GRAMD2B: variants seen among roughly 807,000 people sequenced by gnomAD.
GRAMD2B encodes the protein GRAM domain containing 2B.
A neutral mutation model predicts 59.2 loss-of-function variants in GRAMD2B; 41 were observed. That is an observed-to-expected ratio of 0.69 (90% CI 0.54 to 0.90). The LOEUF (loss-of-function observed/expected upper bound fraction) is 0.90, where lower values mean the gene tolerates loss of function less well. Ranked by LOEUF, GRAMD2B falls within the 40% of genes least tolerant of loss-of-function variation. The pLI, the probability that GRAMD2B is intolerant of heterozygous loss-of-function variation, is 0.00. For missense variants in GRAMD2B, 424 were observed against 500.5 expected, an observed-to-expected ratio of 0.85 and a Z score of 1.46; for synonymous variants, 161 against 182.7, an observed-to-expected ratio of 0.88 and a Z score of 0.96.
chr5:126,366,498 T>G (rs1158109832), upstream of GRAMD2B, among the ~76,000 whole-genome samples: 3 of 152,252 alleles, frequency 2.0e-5, no homozygotes, highest in African/African-American at 7.2e-5. Flanking sequence ...ATCAGTAGTA[T>G]TTTCTGAATG....
chr5:126,376,817 G>A (rs1467472334), intron 1 of GRAMD2B, among the ~76,000 whole-genome samples: 2 of 152,114 alleles, frequency 1.3e-5, no homozygotes, highest in African/African-American at 4.8e-5. Flanking sequence ...TTCAGCAAAT[G>A]GGCAAGGTCA....
chr5:126,443,146 G>T (rs1157765334), intron 1 of GRAMD2B, among the ~76,000 whole-genome samples: 3 of 152,132 alleles, frequency 2.0e-5, no homozygotes, highest in Non-Finnish European at 4.4e-5. Context: ...GTCTTGGCTT[G>T]GTTGACACTC....
intron 1 of GRAMD2B, among the ~76,000 whole-genome samples, chr5:126,446,039 A>G (rs1464676086): frequency 6.6e-6 from 1 of 152,214 alleles, no homozygotes; most frequent in Non-Finnish European, 1.5e-5. Context: ...GATACCCAAC[A>G]GTGTGCCTAG....
At chr5:126,373,321 G>A (rs1754920921) in intron 1 of GRAMD2B, among the ~76,000 whole-genome samples, 2 of 152,166 alleles carry the variant, frequency 1.3e-5, no homozygotes, top group Non-Finnish European at 2.9e-5. Flanking sequence ...AATAAGACCA[G>A]GTAAACACTT....
chr5:126,387,784 C>T (rs1756306751), intron 1 of GRAMD2B, among the ~76,000 whole-genome samples: 1 of 152,030 alleles, frequency 6.6e-6, no homozygotes, highest in African/African-American at 2.4e-5. Context: ...TATATATACA[C>T]ATAAATTTAT....
At chr5:126,394,968 G>A (rs968699525) in intron 1 of GRAMD2B, among the ~76,000 whole-genome samples, 3 of 152,112 alleles carry the variant, frequency 2.0e-5, no homozygotes, top group African/African-American at 7.2e-5. Flanking sequence ...GGGCATTAAA[G>A]TTATAACTGT....
chr5:126,375,315 AT>A (rs1433784574), intron 1 of GRAMD2B, among the ~76,000 whole-genome samples: 1 of 152,080 alleles, frequency 6.6e-6, no homozygotes, highest in Non-Finnish European at 1.5e-5. Context: ...AGACAATAAT[AT>A]TGAAATAATA....
intron 1 of GRAMD2B, among the ~76,000 whole-genome samples, chr5:126,362,240 C>T (rs1393307856): frequency 6.6e-6 from 1 of 152,176 alleles, no homozygotes; most frequent in African/African-American, 2.4e-5. Flanking sequence ...TCAGTCACCT[C>T]TTCTGAATTT....
At chr5:126,368,309 C>T (rs1211029782), upstream of GRAMD2B, among the ~76,000 whole-genome samples, 1 of 152,200 alleles carries the variant, frequency 6.6e-6, no homozygotes, top group Non-Finnish European at 1.5e-5. Flanking sequence ...CATGTCTAAA[C>T]AGTCAAAGGG....
chr5:126,488,549 C>T (rs923428962), intron 12 of GRAMD2B, among the ~76,000 whole-genome samples: 13 of 152,084 alleles, frequency 8.5e-5, no homozygotes, highest in Non-Finnish European at 1.8e-4. Flanking sequence ...GTTTAGAAGC[C>T]GAAACACACC....
chr5:126,447,198 A>C (rs1180787065), intron 1 of GRAMD2B, among the ~76,000 whole-genome samples: 1 of 152,240 alleles, frequency 6.6e-6, no homozygotes, highest in Non-Finnish European at 1.5e-5. Flanking sequence ...TCAGTACTTT[A>C]GTCTACTGAA....
At chr5:126,482,253 C>G (rs897151882) in intron 8 of GRAMD2B, among the ~76,000 whole-genome samples, 1 of 152,110 alleles carries the variant, frequency 6.6e-6, no homozygotes, top group African/African-American at 2.4e-5. Context: ...AAGATTGTAG[C>G]CATGGCTGTA....
chr5:126,450,220 G>A (rs146971812), intron 1 of GRAMD2B, among the ~76,000 whole-genome samples: 113 of 152,206 alleles, frequency 7.4e-4, no homozygotes, highest in East Asian at 3.9e-4. Context: ...TCGTCTCCAC[G>A]GGGGTGGAGA....
rs10544199 is a variant in GRAMD2B at position 126,450,652 on chromosome 5, TAAAAAA to T, written c.84-14753_84-14748del. ...AGTGACAGTCCATCCAGCCTGCTGT[TAAAAAA>T]AAAAAAAAAAAAAAAAAAAATGTTG... On this transcript the variant is annotated intron_variant, in intron 1 of 13. Transcript: ENST00000285689. Among the ~76,000 whole-genome samples the T allele has an allele frequency of 7.1e-3, 685 of 96,048 alleles. 6 individuals are homozygous for T. Among genetic ancestry groups the T allele is most frequent in the African/African-American group, 0.026 (639 of 24,538 alleles). 63.0% of individuals were successfully genotyped at this position (96,048 alleles called of 152,430 possible). A position where few individuals can be genotyped will look rare whatever the true frequency, so the allele number is the denominator to read the frequency against.
intron 1 of GRAMD2B, among the ~76,000 whole-genome samples, chr5:126,402,248 C>T (rs953757565): frequency 6.6e-6 from 1 of 152,036 alleles, no homozygotes; most frequent in Non-Finnish European, 1.5e-5. Context: ...GTCACCCACC[C>T]TAAGTGGAAA....
chr5:126,366,846 C>CTTTTTTTTTTTTTTT (rs59718576), upstream of GRAMD2B, among the ~76,000 whole-genome samples: 3 of 107,682 alleles, frequency 2.8e-5, no homozygotes, highest in African/African-American at 3.6e-5. Flanking sequence ...CAGACCAAGG[C>CTTTTTTTTTTTTTTT]TTTTTTTTTT....
intron 1 of GRAMD2B, among the ~76,000 whole-genome samples, chr5:126,429,258 T>C (rs906437010): frequency 3.3e-5 from 5 of 152,104 alleles, no homozygotes; most frequent in Non-Finnish European, 7.4e-5. Context: ...CTGGAGGCCA[T>C]TATCTTTAGC....
In GRAMD2B at chr5:126,489,191, C is replaced by T. The variant is rs536703562; in HGVS notation, c.1257+299C>T. 7.2e-5 allele frequency among the ~76,000 whole-genome samples: 11 copies of T among 152,268 alleles called. No homozygotes were observed. In the East Asian group the frequency reaches 1.4e-3, roughly 19 times the overall value. On this transcript the variant is annotated intron_variant, in intron 13 of 13. Transcript: ENST00000285689. ...CCCAGTGGTAAGTGACTACTGACAT[C>T]GGAGCTTAATGTAGGGACATAGTAG...
chr5:126,492,864 A>C, intron 13 of GRAMD2B, 51 bp from the exon 14 acceptor site: 1 of 1,183,062 alleles, frequency 8.5e-7, no homozygotes, highest in Non-Finnish European at 1.3e-6. Flanking sequence ...ATATGCCCTT[A>C]ATATACTCCA....
Sources: allele counts gnomAD v4.1 joint callset (sites outside exome capture counted in the v4.1 genomes callset), GRCh38; gene constraint gnomAD v4.1.1; transcripts MANE v1.5; gene names NCBI Gene and HGNC (gene_info 2026-07-23, HGNC 2026-07-21).